KLK13: variants seen among roughly 807,000 people sequenced by gnomAD.
KLK13 encodes the protein kallikrein-13.
In KLK13, 19 loss-of-function variants were observed where a neutral mutation model predicts 22.4. That is an observed-to-expected ratio of 0.85 (90% CI 0.59 to 1.24). KLK13 has a LOEUF of 1.24. KLK13 is among the 50% of genes most tolerant of loss of function. The probability of loss-of-function intolerance (pLI) is 0.00; values close to 1 mark genes in which losing one functional copy is unlikely to be tolerated. For missense variants in KLK13, 311 were observed against 347.9 expected (o/e 0.89, Z 0.84); for synonymous variants, 156 against 141.8 (o/e 1.10, Z -0.71).
intron 1 of KLK13, among the ~76,000 whole-genome samples, chr19:51,061,208 T>TCCATCCATCCATCCATCCATCCAATCCAA (rs910953651): frequency 1.3e-5 from 2 of 150,758 alleles, no homozygotes; most frequent in East Asian, 3.9e-4. Context: ...CATCCATCCA[T>TCCATCCATCCATCCATCCATCCAATCCAA]CCATCCATCC....
intron 1 of KLK13, chr19:51,064,487 C>CAAAAAAAAAAAAAAAAAAAAAAAAAAAA (rs35554667): frequency 6.7e-6 from 1 of 150,004 alleles, no homozygotes; most frequent in Non-Finnish European, 1.3e-5. Context: ...GGTTCCATCT[C>CAAAAAAAAAAAAAAAAAAAAAAAAAAAA]AAAAAAAAAA....
At chr19:51,056,934 G>A (rs944065982) in intron 4 of KLK13, among the ~76,000 whole-genome samples, 159 bp from the exon 5 acceptor site, 2 of 152,150 alleles carry the variant, frequency 1.3e-5, no homozygotes, top group Admixed American at 1.3e-4. Flanking sequence ...GTGAGAGAAA[G>A]CAATGAAGAC....
rs758694211 is a variant in KLK13, at chr19:51,060,023, C to T, written c.310G>A (p.Val104Ile). 2.0e-5 allele frequency: 32 copies of T among 1,613,630 alleles called. No individual in the cohort carries two copies. Among genetic ancestry groups the T allele is most frequent in the Non-Finnish European group, 2.3e-5 (27 of 1,179,842 alleles). ...TATTCAGGGTGGGGGATAGAGTGGA[C>T]AACTTCCCTCACCTGCTCACCAGCT... Reference protein sequence around the residue: ...VEAGEQVREVVHSIPHPEYRR... With the variant: ...VEAGEQVREVIHSIPHPEYRR... Residue 104 changes from valine (V) to isoleucine (I), a missense_variant, in exon 3 of 5, where the codon GTC becomes ATC. Val to Ile is a conservative substitution (Grantham distance 29). Coordinates refer to ENST00000595793, the MANE Select transcript of KLK13 (RefSeq NM_015596.3).
chr19:51,058,677 G>C lies in KLK13; in HGVS notation c.509-3C>G. 4 of 1,614,108 alleles carry C rather than the reference G, an allele frequency of 2.5e-6. No individual in the cohort carries two copies. Among genetic ancestry groups the C allele is most frequent in the Non-Finnish European group, 3.4e-6 (4 of 1,179,982 alleles). ...TTGTAGAGTTTTGGGGTAATTCACT[G>C]GGGAGAAGAAAGAGAAGGTCTAAGG... On this transcript the variant is annotated splice_polypyrimidine_tract_variant and splice_region_variant and intron_variant, in intron 3 of 4. Coordinates refer to ENST00000595793, the MANE Select transcript of KLK13 (RefSeq NM_015596.3).
At chr19:51,064,213 C>G (rs984302321) in intron 1 of KLK13, among the ~76,000 whole-genome samples, 1 of 152,054 alleles carries the variant, frequency 6.6e-6, no homozygotes, top group Middle Eastern at 3.4e-3. Context: ...TACTAGAGGC[C>G]GGGCTCGGTG....
chr19:51,064,015 G>A (rs1266594289), intron 1 of KLK13, among the ~76,000 whole-genome samples: 5 of 152,202 alleles, frequency 3.3e-5, no homozygotes, highest in African/African-American at 1.2e-4. Context: ...GCTGTTTGTT[G>A]AATGAATAAA....
chr19:51,057,371 G>C (rs900095630), intron 4 of KLK13, among the ~76,000 whole-genome samples: 1 of 151,944 alleles, frequency 6.6e-6, no homozygotes, highest in African/African-American at 2.4e-5. Flanking sequence ...GCTATTTTTT[G>C]CTCATGTAGT....
intron 1 of KLK13, among the ~76,000 whole-genome samples, chr19:51,061,219 AT>A (rs1227837929): frequency 2.7e-5 from 4 of 149,832 alleles, no homozygotes; most frequent in Admixed American, 6.6e-5. Context: ...CCATCCATCC[AT>A]CCATCCATCC....
chr19:51,063,423 A>G (rs2091747701), intron 1 of KLK13, among the ~76,000 whole-genome samples: 1 of 152,238 alleles, frequency 6.6e-6, no homozygotes, highest in Non-Finnish European at 1.5e-5. Context: ...GTCAAAAGTT[A>G]TAAAAATGGT....
rs754872494 is a variant in KLK13 at position 51,056,764 on chromosome 19, C to T, written c.657G>A (p.Gly219=). 3 of 1,613,000 alleles carry T rather than the reference C, an allele frequency of 1.9e-6. No homozygotes were observed. Among genetic ancestry groups the T allele is most frequent in the Non-Finnish European group, 2.5e-6 (3 of 1,179,490 alleles). Residue 219 remains glycine (G), a synonymous_variant, in exon 5 of 5, where the codon GGG becomes GGA. Coordinates refer to ENST00000595793, the MANE Select transcript of KLK13 (RefSeq NM_015596.3). Reference sequence around the variant, plus strand: ...GTGTTCTGTTACAGACCAGGGGGCCCCCAGAGTCACCCTGAGTTGGGGAAA... The same window carrying T: ...GTGTTCTGTTACAGACCAGGGGGCCTCCAGAGTCACCCTGAGTTGGGGAAA... ...GGKDSCEGDS[G]GPLVCNRTLY...
chr19:51,056,841 G>A lies in KLK13; in HGVS notation c.646-66C>T, dbSNP rs552641383. 200 of 1,206,758 alleles carry A rather than the reference G, an allele frequency of 1.7e-4. No homozygotes were observed. The African/African-American group carries it at 2.5e-3, about 15-fold the overall frequency. The allele number at this position is 1,206,758 out of a possible 1,614,324, so 74.8% of individuals were successfully genotyped here. ...CTGGGGCTAAACAAGGCAGGGACAG[G>A]GAGGTGTGGGGAGAGAGTGAAAGAT... is the stretch of plus-strand genomic sequence containing the variant. On this transcript the variant is annotated intron_variant, in intron 4 of 4. Coordinates refer to ENST00000595793, the MANE Select transcript of KLK13 (RefSeq NM_015596.3).
upstream of KLK13, chr19:51,065,140 G>A: frequency 9.0e-7 from 1 of 1,106,216 alleles, no homozygotes; most frequent in Non-Finnish European, 1.3e-6. Context: ...TTGAGGGCGT[G>A]CCCGGAACCT....
At chr19:51,063,186 A>G (rs182083518) in intron 1 of KLK13, among the ~76,000 whole-genome samples, 287 of 152,316 alleles carry the variant, frequency 1.9e-3, no homozygotes, top group Middle Eastern at 6.8e-3. Context: ...AACCATCTGC[A>G]AAAGTTGTTT....
rs183172732 is a variant in KLK13 at position 51,060,682 on chromosome 19, T to C, written c.53-63A>G. 47 of 1,381,804 alleles carry C rather than the reference T, an allele frequency of 3.4e-5. No homozygotes were observed. In the East Asian group the frequency reaches 1.0e-3, roughly 31 times the overall value. 85.6% of individuals were successfully genotyped at this position (1,381,804 alleles called of 1,614,324 possible). On this transcript the variant is annotated intron_variant, in intron 1 of 4. Coordinates refer to ENST00000595793, the MANE Select transcript of KLK13 (RefSeq NM_015596.3). ...AGGGGGCAGAGGAGCCCTGGGGTTG[T>C]GGTTTCTGGGTTTGGGGTAAGGGTC...
chr19:51,058,575 CACA>C lies in KLK13; in HGVS notation c.605_607del (p.Leu202del). 1 of 1,614,158 alleles carries C rather than the reference CACA, an allele frequency of 6.2e-7. No homozygotes were observed. Among genetic ancestry groups the C allele is most frequent in the Non-Finnish European group, 8.5e-7 (1 of 1,180,028 alleles). On this transcript the variant is annotated inframe_deletion, in exon 4 of 5. Transcript: ENST00000595793. ...TTTGCCACCCTCTTTTGTGCCGGCA[CACA>C]ACATGTTGTCAGTGATCTTTCCTGG... is the stretch of plus-strand genomic sequence containing the variant.
At chr19:51,064,755 G>A (rs1838451584) in intron 1 of KLK13, 11 of 643,386 alleles carry the variant, frequency 1.7e-5, no homozygotes, top group Middle Eastern at 2.4e-4. Context: ...TTCCAGAGAG[G>A]ACAGGAAGCC....
rs1013398887 is a variant in KLK13, at chr19:51,060,186, T to G, written c.240-93A>C. ...ACCTCTTCCCATCCCCAACCTAACT[T>G]CTTCTCCATCCTACCTTCCTCATCT... On this transcript the variant is annotated intron_variant, in intron 2 of 4. Coordinates refer to ENST00000595793, the MANE Select transcript of KLK13 (RefSeq NM_015596.3). 3.9e-5 allele frequency: 57 copies of G among 1,469,026 alleles called. 1 individual carries two copies. The Admixed American group carries it at 1.1e-3, about 27-fold the overall frequency. The allele number at this position is 1,469,026 out of a possible 1,614,324, so 91.0% of individuals were successfully genotyped here. A position where few individuals can be genotyped will look rare whatever the true frequency, so the allele number is the denominator to read the frequency against.
intron 1 of KLK13, among the ~76,000 whole-genome samples, chr19:51,061,267 C>T (rs548959821): frequency 1.3e-5 from 2 of 152,224 alleles, no homozygotes; most frequent in South Asian, 2.1e-4. Context: ...TCCATATATC[C>T]ATCCATGCAT....
intron 1 of KLK13, 131 bp from the exon 2 acceptor site, chr19:51,060,750 C>T (rs188198576): frequency 1.8e-5 from 12 of 658,248 alleles, no homozygotes; most frequent in East Asian, 7.8e-5. Context: ...ATGAATTTGC[C>T]GACCTATGGC....
Sources: gnomAD v4.1 joint callset for allele counts (sites outside exome capture counted in the v4.1 genomes callset) on GRCh38, gnomAD v4.1.1 for gene constraint, MANE v1.5 for transcripts, NCBI Gene and HGNC (gene_info 2026-07-23, HGNC 2026-07-21) for gene names.